RIGI: variants seen among roughly 807,000 people sequenced by gnomAD.
RIGI encodes the protein RNA sensor RIG-I.
chr9:32,505,869 T>C, the RIGI span, among the ~76,000 whole-genome samples: 1 of 152,222 alleles, frequency 6.6e-6, no homozygotes, highest in African/African-American at 2.4e-5. Flanking sequence ...TTTACCAACT[T>C]TTCCCTGGAA....
chr9:32,472,925 A>G, the RIGI span: 2 of 1,301,364 alleles, frequency 1.5e-6, no homozygotes, highest in Non-Finnish European at 2.2e-6. Flanking sequence ...ACACACACAC[A>G]TATTCTTAAA....
At chr9:32,493,191 G>A in the RIGI span, among the ~76,000 whole-genome samples, 8 of 152,182 alleles carry the variant, frequency 5.3e-5, no homozygotes, top group Non-Finnish European at 8.8e-5. Context: ...AACTGCTAGA[G>A]TCTGTAGCCC....
chr9:32,522,943 A>G, the RIGI span, among the ~76,000 whole-genome samples: 1 of 152,182 alleles, frequency 6.6e-6, no homozygotes, highest in African/African-American at 2.4e-5. Flanking sequence ...TTCCCCAGGA[A>G]AAGGACCCCC....
the RIGI span, among the ~76,000 whole-genome samples, chr9:32,477,645 C>T: frequency 6.6e-6 from 1 of 152,102 alleles, no homozygotes. Context: ...TATAGTCAGG[C>T]CGGGTGTGGT....
the RIGI span, among the ~76,000 whole-genome samples, chr9:32,457,984 G>A: frequency 6.6e-6 from 1 of 152,158 alleles, no homozygotes; most frequent in Admixed American, 6.5e-5. Context: ...ACCCAAATTG[G>A]AGCTGAAAGG....
the RIGI span, chr9:32,457,493 A>AGAAAAG: frequency 3.2e-5 from 37 of 1,160,714 alleles, 1 homozygote; most frequent in South Asian, 4.8e-4. Context: ...TAAAAAAAAA[A>AGAAAAG]AAAAGAAAAC....
the RIGI span, among the ~76,000 whole-genome samples, chr9:32,521,593 T>A: frequency 6.6e-6 from 1 of 152,178 alleles, no homozygotes; most frequent in Admixed American, 6.5e-5. Context: ...TTTTTTAACC[T>A]CAAACTAACT....
the RIGI span, chr9:32,457,183 G>A: frequency 5.0e-6 from 8 of 1,613,694 alleles, no homozygotes; most frequent in Non-Finnish European, 5.9e-6. Flanking sequence ...CTTCCACTTC[G>A]AGTACAGTGT....
chr9:32,510,628 A>G, the RIGI span, among the ~76,000 whole-genome samples: 13 of 152,248 alleles, frequency 8.5e-5, no homozygotes, highest in Non-Finnish European at 1.8e-4. Context: ...AGCCACTGCA[A>G]AAACATACCA....
At chr9:32,481,347 T>C in the RIGI span, 1 of 1,611,384 alleles carries the variant, frequency 6.2e-7, no homozygotes, top group East Asian at 2.2e-5. Flanking sequence ...TACCCGCAAA[T>C]GTGAAGTGTA....
chr9:32,493,971 T>C, the RIGI span: 7 of 1,494,568 alleles, frequency 4.7e-6, no homozygotes, highest in Non-Finnish European at 6.3e-6. Flanking sequence ...AATGTGGACT[T>C]TTATGAAACC....
At chr9:32,477,265 T>A in the RIGI span, 1 of 980,388 alleles carries the variant, frequency 1.0e-6, no homozygotes, top group Non-Finnish European at 1.5e-6. Flanking sequence ...AGTACTGTTT[T>A]AAATTGGTAC....
the RIGI span, chr9:32,498,436 G>A: frequency 4.5e-6 from 2 of 445,780 alleles, no homozygotes; most frequent in South Asian, 1.6e-5. Context: ...TCCTGCTTCT[G>A]GCCCGAGGCT....
chr9:32,477,129 T>C, the RIGI span: 1 of 1,612,752 alleles, frequency 6.2e-7, no homozygotes, highest in Non-Finnish European at 8.5e-7. Context: ...TCCTGCAGCT[T>C]TTCTGCAAAT....
the RIGI span, among the ~76,000 whole-genome samples, chr9:32,525,142 A>C: frequency 6.6e-6 from 1 of 152,136 alleles, no homozygotes; most frequent in Non-Finnish European, 1.5e-5. Context: ...CCTTCTCGCT[A>C]TCTCTTTTGC....
the RIGI span, among the ~76,000 whole-genome samples, chr9:32,495,198 T>TTTATA: frequency 2.6e-5 from 4 of 152,014 alleles, no homozygotes; most frequent in African/African-American, 9.7e-5. Context: ...TTATTTTCTG[T>TTTATA]TTTTATTTTA....
At chr9:32,524,096 T>G in the RIGI span, among the ~76,000 whole-genome samples, 1 of 152,154 alleles carries the variant, frequency 6.6e-6, no homozygotes, top group Non-Finnish European at 1.5e-5. Flanking sequence ...TGGACTCTAG[T>G]AGACATCCCA....
At chr9:32,509,457 CAG>C in the RIGI span, among the ~76,000 whole-genome samples, 1 of 152,192 alleles carries the variant, frequency 6.6e-6, no homozygotes, top group Non-Finnish European at 1.5e-5. Context: ...CCCAGGCAAA[CAG>C]GGTCTGGAGT....
At chr9:32,485,157 A>G in the RIGI span, 6 of 1,556,636 alleles carry the variant, frequency 3.9e-6, no homozygotes, top group African/African-American at 1.4e-5. Flanking sequence ...AGAACACAAA[A>G]TATGAGATTT....
Sources: allele counts gnomAD v4.1 joint callset (sites outside exome capture counted in the v4.1 genomes callset), GRCh38; gene constraint gnomAD v4.1.1; transcripts MANE v1.5; gene names NCBI Gene and HGNC (gene_info 2026-07-23, HGNC 2026-07-21).